DNMBP: variants seen among roughly 807,000 people sequenced by gnomAD.
DNMBP encodes the protein dynamin binding protein.
DNMBP carries 87 observed loss-of-function variants against 150.0 expected under a neutral mutation model. The ratio of observed to expected loss-of-function variants is 0.58; its 90% CI spans 0.49 to 0.69. DNMBP has a LOEUF of 0.69. DNMBP is among the 30% of genes least tolerant of loss of function. DNMBP has a pLI of 0.00. For missense variants in DNMBP, 1,774 were observed against 1,949.0 expected, an observed-to-expected ratio of 0.91 and a Z score of 1.69; for synonymous variants, 711 against 750.4, an observed-to-expected ratio of 0.95 and a Z score of 0.86.
intron 4 of DNMBP, among the ~76,000 whole-genome samples, chr10:99,923,580 G>A (rs993912632): frequency 6.6e-6 from 1 of 151,996 alleles, no homozygotes; most frequent in Non-Finnish European, 1.5e-5. Context: ...CAGCTATGGA[G>A]GTGGCTCACC....
chr10:99,931,871 G>T (rs7922447), intron 4 of DNMBP, among the ~76,000 whole-genome samples: 60,252 of 152,044 alleles, frequency 0.4, 12,329 homozygotes, highest in African/African-American at 0.49. Context: ...CATGGCAAGT[G>T]GAGGCTTCAG....
chr10:99,963,379 CCT>C (rs1445654410), intron 3 of DNMBP, among the ~76,000 whole-genome samples: 2 of 151,488 alleles, frequency 1.3e-5, no homozygotes, highest in East Asian at 3.9e-4. Context: ...CCTCAATGCC[CCT>C]GTTTTATAGC....
intron 1 of DNMBP, among the ~76,000 whole-genome samples, chr10:99,994,169 A>G (rs1048775262): frequency 1.3e-5 from 2 of 152,162 alleles, no homozygotes; most frequent in Admixed American, 6.6e-5. Flanking sequence ...TTTAGTTTCA[A>G]TTTCTGGCTC....
At chr10:99,891,196 C>CGTCTCCCTCTCTTTCCACG (rs1412058845) in intron 11 of DNMBP, among the ~76,000 whole-genome samples, 77 of 143,786 alleles carry the variant, frequency 5.4e-4, no homozygotes, top group Admixed American at 9.6e-4. Flanking sequence ...CTCTCCCCAC[C>CGTCTCCCTCTCTTTCCACG]GTCTCCCTCT....
At chr10:99,960,459 A>T (rs1589440089) in intron 3 of DNMBP, among the ~76,000 whole-genome samples, 1 of 152,302 alleles carries the variant, frequency 6.6e-6, no homozygotes, top group South Asian at 2.1e-4. Context: ...AGTCAAGCAC[A>T]TTGGAAAACT....
intron 2 of DNMBP, among the ~76,000 whole-genome samples, chr10:99,971,137 G>C (rs984877702): frequency 1.2e-4 from 18 of 152,048 alleles, no homozygotes; most frequent in Non-Finnish European, 1.6e-4. Context: ...AGAAACCTGG[G>C]CTGGGGCAGC....
Position 99,956,159 on chromosome 10 carries a change from G to C in DNMBP, c.1315C>G (p.His439Asp). The change falls in exon 4 of 17, where the codon CAC (histidine) becomes GAC (aspartate). Residue 439 changes from histidine to aspartate, a missense_variant. This residue lies in a region of DNMBP where 1,430 missense variants were observed against 1,492.5 expected (regional missense o/e 0.96). Coordinates refer to ENST00000324109, the MANE Select transcript of DNMBP (RefSeq NM_015221.4). ...YYSTVGGSHP[H>D]SEQYPDLLPL... ...AGAAGGTCGGGGTACTGTTCTGAGT[G>C]CGGGTGGCTCCCTCCCACTGTAGAA... 6.2e-7 allele frequency: 1 copy of C among 1,614,122 alleles called. No individual in the cohort carries two copies.
chr10:99,940,677 T>A (rs1013900767), intron 4 of DNMBP, among the ~76,000 whole-genome samples: 1 of 152,194 alleles, frequency 6.6e-6, no homozygotes, highest in Non-Finnish European at 1.5e-5. Flanking sequence ...CTTTCTTTTA[T>A]AGCAAAACTC....
intron 1 of DNMBP, among the ~76,000 whole-genome samples, chr10:99,976,551 A>T (rs2040729633): frequency 1.3e-5 from 2 of 152,188 alleles, no homozygotes; most frequent in African/African-American, 4.8e-5. Flanking sequence ...GGGAGACCAC[A>T]CGCATACTAC....
chr10:99,896,742 A>G, intron 9 of DNMBP, among the ~76,000 whole-genome samples: 1 of 152,268 alleles, frequency 6.6e-6, no homozygotes, highest in Non-Finnish European at 1.5e-5. Context: ...TAAAATGCAG[A>G]AAGCAATACT....
rs1255289521 is a variant in DNMBP, at chr10:99,896,400, AG to A, written c.2921-4del. The stretch of plus-strand genomic sequence containing the variant: ...ATCACCCTTACGGTACTTGAGGACT[AG>A]GGAGTAAGTCAGAAAAGCACTTTCC... On this transcript the variant is annotated splice_polypyrimidine_tract_variant and splice_region_variant and intron_variant, in intron 9 of 16. Transcript: ENST00000324109. The A allele has an allele frequency of 6.2e-7, 1 of 1,614,200 alleles. No homozygotes were observed. Among genetic ancestry groups the A allele is most frequent in the South Asian group, 1.1e-5 (1 of 91,078 alleles).
chr10:99,947,197 C>CT (rs1455829833), intron 4 of DNMBP, among the ~76,000 whole-genome samples: 1 of 152,196 alleles, frequency 6.6e-6, no homozygotes, highest in African/African-American at 2.4e-5. Flanking sequence ...TATCATTCGA[C>CT]TTAGCAATCC....
At chr10:99,982,789 C>CA (rs1374099067) in intron 1 of DNMBP, among the ~76,000 whole-genome samples, 27 of 151,904 alleles carry the variant, frequency 1.8e-4, no homozygotes, top group Admixed American at 6.6e-5. Flanking sequence ...CCTGTCTCTA[C>CA]AAAAATATAA....
intron 1 of DNMBP, among the ~76,000 whole-genome samples, chr10:99,981,967 G>A (rs2040783683): frequency 6.6e-6 from 1 of 152,156 alleles, no homozygotes; most frequent in Non-Finnish European, 1.5e-5. Context: ...CAGGAGCAGG[G>A]TGGCTCTCCA....
At chr10:99,912,231 T>G (rs1252806010) in intron 4 of DNMBP, among the ~76,000 whole-genome samples, 1 of 152,126 alleles carries the variant, frequency 6.6e-6, no homozygotes, top group Non-Finnish European at 1.5e-5. Flanking sequence ...CACCATTTGG[T>G]TTCCCTGGCC....
chr10:99,929,948 A>G, intron 4 of DNMBP: 2 of 702,900 alleles, frequency 2.8e-6, no homozygotes, highest in East Asian at 5.4e-5. Flanking sequence ...CACAGTTTGC[A>G]AATAAAGCAT....
chr10:100,004,026 G>A (rs906472677), intron 1 of DNMBP, among the ~76,000 whole-genome samples: 3 of 151,024 alleles, frequency 2.0e-5, no homozygotes, highest in African/African-American at 7.3e-5. Flanking sequence ...GAGCCCGGGA[G>A]TTCAAGACCG....
chr10:99,952,968 A>G (rs1030436234), intron 4 of DNMBP, among the ~76,000 whole-genome samples: 3 of 152,146 alleles, frequency 2.0e-5, no homozygotes, highest in East Asian at 1.9e-4. Context: ...CTGATGACAC[A>G]TAAGTTCAAA....
intron 4 of DNMBP, chr10:99,930,603 G>A (rs1312186958): frequency 1.4e-6 from 1 of 702,770 alleles, no homozygotes; most frequent in Non-Finnish European, 2.6e-6. Flanking sequence ...CTGTCCCTTG[G>A]CCCAGTACCT....
Sources: gnomAD v4.1 joint callset for allele counts (sites outside exome capture counted in the v4.1 genomes callset) on GRCh38, gnomAD v4.1.1 for gene constraint, gnomAD v4.1.1 regional missense constraint, MANE v1.5 for transcripts, NCBI Gene and HGNC (gene_info 2026-07-23, HGNC 2026-07-21) for gene names.